Variants in SLC13A2 observed in about 807,000 individuals in gnomAD.
The protein encoded by SLC13A2 is solute carrier family 13 member 2.
A neutral mutation model predicts 58.5 loss-of-function variants in SLC13A2; 40 were observed. The observed-to-expected ratio is 0.68, with a 90% CI of 0.53 to 0.89. The LOEUF is 0.89. SLC13A2 is among the 40% of genes least tolerant of loss of function. The pLI is 0.00. For missense variants in SLC13A2, 694 were observed against 772.6 expected, an observed-to-expected ratio of 0.90 and a Z score of 1.21; for synonymous variants, 341 against 331.6, an observed-to-expected ratio of 1.03 and a Z score of -0.31.
intron 1 of SLC13A2, among the ~76,000 whole-genome samples, chr17:28,479,920 C>T (rs1167452407): frequency 2.6e-5 from 4 of 152,026 alleles, no homozygotes; most frequent in Admixed American, 1.3e-4. Flanking sequence ...TTTGGGAGGC[C>T]GAGGCAGGTG....
At chr17:28,492,310 G>T (rs547922544) in intron 6 of SLC13A2, among the ~76,000 whole-genome samples, 1 of 152,186 alleles carries the variant, frequency 6.6e-6, no homozygotes, top group Non-Finnish European at 1.5e-5. Flanking sequence ...TGATATGGTG[G>T]GGTCACGACA....
chr17:28,477,486 G>A (rs958547157), intron 1 of SLC13A2, among the ~76,000 whole-genome samples: 6 of 151,870 alleles, frequency 4.0e-5, no homozygotes, highest in East Asian at 2.0e-4. Flanking sequence ...GAGCCACCAT[G>A]CCCGGCCACC....
chr17:28,479,564 G>C (rs1184543526), intron 1 of SLC13A2, among the ~76,000 whole-genome samples: 3 of 152,194 alleles, frequency 2.0e-5, no homozygotes, highest in Non-Finnish European at 4.4e-5. Context: ...GGACCCAAAG[G>C]CATCTGTAAA....
chr17:28,495,978 T>C (rs1248307566), intron 10 of SLC13A2, among the ~76,000 whole-genome samples, 162 bp downstream of exon 10: 1 of 152,130 alleles, frequency 6.6e-6, no homozygotes, highest in African/African-American at 2.4e-5. Flanking sequence ...TGAGCCACCT[T>C]GGGCCCCAAG....
At chr17:28,489,414 G>A in intron 2 of SLC13A2, 72 bp downstream of exon 2, 2 of 1,517,474 alleles carry the variant, frequency 1.3e-6, no homozygotes, top group Non-Finnish European at 1.8e-6. Context: ...CTCAGCCCTT[G>A]TTGACAAAGG....
chr17:28,486,801 T>A (rs1406874432), intron 1 of SLC13A2, among the ~76,000 whole-genome samples: 13 of 151,246 alleles, frequency 8.6e-5, no homozygotes, highest in African/African-American at 2.9e-4. Context: ...CTTTTTTTTT[T>A]TTTTTTTTTT....
At position 28,489,077 on chromosome 17, in the gene SLC13A2, T is replaced by G. The variant is rs1415843449; in HGVS notation, c.103-137T>G. 5 of 982,730 alleles carry G rather than the reference T, an allele frequency of 5.1e-6. No homozygotes were observed. The East Asian group carries it at 1.2e-4, about 24-fold the overall frequency. 60.9% of individuals were successfully genotyped at this position (982,730 alleles called of 1,614,324 possible). On this transcript the variant is annotated intron_variant, in intron 1 of 11. Coordinates refer to ENST00000314669, the MANE Select transcript of SLC13A2 (RefSeq NM_003984.4). ...GCATTTTGAAATGAGACCTTGGGCTTGGGAATCAATGACTGTGGGTTTCAC... is the reference window on the plus strand; with the variant it reads ...GCATTTTGAAATGAGACCTTGGGCTGGGGAATCAATGACTGTGGGTTTCAC...
intron 2 of SLC13A2, chr17:28,490,204 G>A (rs2068976311): frequency 1.8e-6 from 2 of 1,127,846 alleles, no homozygotes; most frequent in Non-Finnish European, 2.5e-6. Flanking sequence ...AGCCAAGGAG[G>A]TGGAGGTTGC....
chr17:28,484,445 A>C (rs1231702074), intron 1 of SLC13A2, among the ~76,000 whole-genome samples: 2 of 152,152 alleles, frequency 1.3e-5, no homozygotes, highest in Non-Finnish European at 2.9e-5. Context: ...GAACCCACAG[A>C]GGGCTGGTAT....
Position 28,485,818 on chromosome 17 carries a change from T to A in SLC13A2, c.103-3396T>A, listed in dbSNP as rs551306167. 2.7e-5 allele frequency among the ~76,000 whole-genome samples: 4 copies of A among 150,004 alleles called. No individual in the cohort carries two copies. In the South Asian group the frequency reaches 8.4e-4, roughly 32 times the overall value. ...CCTGGGCAACAAAGCAAGAACCATC[T>A]CTACAAAAGATACAAAAAAAAAAAA... On this transcript the variant is annotated intron_variant, in intron 1 of 11. Transcript: ENST00000314669.
At position 28,473,754 on chromosome 17, in the gene SLC13A2, C is replaced by T. The variant is rs782636089; in HGVS notation, c.42C>T (p.Tyr14=). Reference sequence around the variant, plus strand: ...AGGCCCTGTGGGCCTATCGCTCCTACCTGATCGTGTTCTTCGTGCCCATTC... The same window carrying T: ...AGGCCCTGTGGGCCTATCGCTCCTATCTGATCGTGTTCTTCGTGCCCATTC... The part of the protein sequence containing the change: ...CWQALWAYRS[Y]LIVFFVPILL... The change falls in exon 1 of 12, where the codon TAC becomes TAT. Residue 14 remains tyrosine, a synonymous_variant. Coordinates refer to ENST00000314669, the MANE Select transcript of SLC13A2 (RefSeq NM_003984.4). 5.6e-6 allele frequency: 9 copies of T among 1,614,096 alleles called. No individual in the cohort carries two copies. The highest frequency in any genetic ancestry group is 1.7e-5 in the Admixed American group (1 of 60,010).
chr17:28,493,522 C>A, intron 6 of SLC13A2, 49 bp from the exon 7 acceptor site: 3 of 1,503,106 alleles, frequency 2.0e-6, no homozygotes, highest in South Asian at 2.6e-5. Context: ...GCCCCTTGCT[C>A]CCTGCTGGAG....
In SLC13A2 at chr17:28,490,529, T is replaced by C. The variant is rs782288726; in HGVS notation, c.307T>C (p.Trp103Arg). Residue 103 changes from tryptophan (W) to arginine (R), a missense_variant, in exon 3 of 12, where the codon TGG (tryptophan) becomes CGG (arginine). Coordinates refer to ENST00000314669, the MANE Select transcript of SLC13A2 (RefSeq NM_003984.4). ...GCTGGTGGCCATCGCGGTGGAACAC[T>C]GGAACCTGCATAAACGCATCGCCCT... ...GLLVAIAVEH[W>R]NLHKRIALRV... 2 of 1,614,066 alleles carry C rather than the reference T, an allele frequency of 1.2e-6. No homozygotes were observed. Among genetic ancestry groups the C allele is most frequent in the Admixed American group, 1.7e-5 (1 of 60,018 alleles).
Position 28,493,722 on chromosome 17 carries a change from T to C in SLC13A2, c.1030T>C (p.Phe344Leu). 3 of 1,614,234 alleles carry C rather than the reference T, an allele frequency of 1.9e-6. No homozygotes were observed. Among genetic ancestry groups the C allele is most frequent in the Middle Eastern group, 1.6e-4 (1 of 6,062 alleles). Residue 344 changes from phenylalanine to leucine, a missense_variant, in exon 7 of 12, where the codon TTC (phenylalanine) becomes CTC (leucine). By Grantham distance (22) the Phe-to-Leu change is conservative (BLOSUM62 0). Transcript: ENST00000314669. ...ILFVILVLLW[F>L]TREPGFFLGW... ...ATTCGTCATCCTGGTGCTGCTCTGG[T>C]TCACCCGGGAGCCGGGCTTTTTTCT...
intron 6 of SLC13A2, among the ~76,000 whole-genome samples, 178 bp downstream of exon 6, chr17:28,492,030 T>A (rs1039182699): frequency 6.6e-6 from 1 of 152,164 alleles, no homozygotes; most frequent in Non-Finnish European, 1.5e-5. Flanking sequence ...TAGAGAGTAT[T>A]ATCCCATTTC....
chr17:28,479,407 A>T (rs1170586801), intron 1 of SLC13A2, among the ~76,000 whole-genome samples: 1 of 152,046 alleles, frequency 6.6e-6, no homozygotes, highest in Non-Finnish European at 1.5e-5. Context: ...TCAAGTTTAG[A>T]GAAGAGGGTT....
At chr17:28,495,567 C>A in intron 9 of SLC13A2, 88 bp from the exon 10 acceptor site, 2 of 1,301,060 alleles carry the variant, frequency 1.5e-6, no homozygotes, top group Non-Finnish European at 2.1e-6. Context: ...GAGATGTTAG[C>A]AGGAGCAGGA....
In SLC13A2 at chr17:28,491,734, T is replaced by C. The variant is rs11568461; in HGVS notation, c.760T>C (p.Phe254Leu). Residue 254 changes from phenylalanine to leucine, a missense_variant, in exon 6 of 12, where the codon TTC becomes CTC. By Grantham distance (22) the Phe-to-Leu change is conservative. Transcript: ENST00000314669. The part of the protein sequence containing the change: ...LVLQGQINSL[F>L]PQNGNVVNFA... ...CAGCCCATGTTCCTCCTTCAGGCTC[T>C]TCCCCCAAAACGGCAACGTGGTGAA... The C allele has an allele frequency of 4.3e-6, 7 of 1,614,138 alleles. No individual in the cohort carries two copies. The East Asian group carries it at 1.6e-4, about 36-fold the overall frequency.
At chr17:28,482,407 G>T (rs955795546) in intron 1 of SLC13A2, among the ~76,000 whole-genome samples, 2 of 151,970 alleles carry the variant, frequency 1.3e-5, no homozygotes, top group African/African-American at 2.4e-5. Flanking sequence ...TATTTTATTG[G>T]TGCATTTAAA....
Sources: gnomAD v4.1 joint callset for allele counts (sites outside exome capture counted in the v4.1 genomes callset) on GRCh38, gnomAD v4.1.1 for gene constraint, MANE v1.5 for transcripts, NCBI Gene and HGNC (gene_info 2026-07-23, HGNC 2026-07-21) for gene names.